The following L3MBTL4 variants were observed in gnomAD, a reference collection of about 807,000 sequenced individuals.
The protein encoded by L3MBTL4 is L3MBTL histone methyl-lysine binding protein 4, also known as lethal(3)malignant brain tumor-like protein 4.
A neutral mutation model predicts 84.5 loss-of-function variants in L3MBTL4; 70 were observed. The observed-to-expected ratio is 0.83, with a 90% CI of 0.68 to 1.01. L3MBTL4 has a LOEUF of 1.01. L3MBTL4 is among the 50% of genes least tolerant of loss of function. L3MBTL4 has a pLI of 0.00. For missense variants in L3MBTL4, 715 were observed against 754.8 expected, an observed-to-expected ratio of 0.95 and a Z score of 0.62; for synonymous variants, 274 against 259.8, an observed-to-expected ratio of 1.05 and a Z score of -0.52.
chr18:6,396,585 A>G (rs2144594300), intron 1 of L3MBTL4: 1 of 152,328 alleles, frequency 6.6e-6, no homozygotes, highest in Non-Finnish European at 1.5e-5. Flanking sequence ...TGTGGAAACC[A>G]CCCCTGTGAC....
At chr18:6,069,328 G>A (rs902001898) in intron 16 of L3MBTL4, among the ~76,000 whole-genome samples, 2 of 152,194 alleles carry the variant, frequency 1.3e-5, no homozygotes, top group African/African-American at 4.8e-5. Context: ...TTAATGGACT[G>A]TGTTGGATGG....
chr18:6,168,580 G>C (rs1015536961), intron 13 of L3MBTL4, among the ~76,000 whole-genome samples: 5 of 151,134 alleles, frequency 3.3e-5, no homozygotes, highest in African/African-American at 9.8e-5. Context: ...ATGGGGAAAG[G>C]ATTCCCTATT....
chr18:6,345,721 T>C (rs1304498139), intron 1 of L3MBTL4, among the ~76,000 whole-genome samples: 1 of 152,070 alleles, frequency 6.6e-6, no homozygotes, highest in African/African-American at 2.4e-5. Flanking sequence ...ATTGTAAAAA[T>C]TAATACTGTT....
chr18:6,288,039 T>C (rs1409232173), intron 4 of L3MBTL4, among the ~76,000 whole-genome samples: 3 of 152,190 alleles, frequency 2.0e-5, no homozygotes, highest in Non-Finnish European at 4.4e-5. Flanking sequence ...CGAGACTCTG[T>C]CTCAACAAAA....
intron 1 of L3MBTL4, among the ~76,000 whole-genome samples, chr18:6,370,015 T>G (rs778330363): frequency 6.6e-6 from 1 of 151,890 alleles, no homozygotes; most frequent in Non-Finnish European, 1.5e-5. Flanking sequence ...GTGCCTGTAG[T>G]CTCAGCTACT....
At chr18:6,034,558 T>C (rs1203676082) in intron 16 of L3MBTL4, among the ~76,000 whole-genome samples, 2 of 152,154 alleles carry the variant, frequency 1.3e-5, no homozygotes, top group Non-Finnish European at 2.9e-5. Context: ...TGTTGGACAT[T>C]TGGGTTGGTT....
chr18:6,287,727 T>C (rs1452539), intron 4 of L3MBTL4, among the ~76,000 whole-genome samples: 37,407 of 152,152 alleles, frequency 0.25, 5,650 homozygotes, highest in African/African-American at 0.43. Flanking sequence ...TGATATCATT[T>C]AGTCACATTT....
At chr18:6,211,224 TAAGAG>T (rs1459160578) in intron 12 of L3MBTL4, among the ~76,000 whole-genome samples, 3 of 152,150 alleles carry the variant, frequency 2.0e-5, no homozygotes, top group African/African-American at 7.2e-5. Flanking sequence ...TATTTGAAAA[TAAGAG>T]AAGAGTGCCT....
At chr18:6,147,525 A>C (rs1168935836) in intron 13 of L3MBTL4, among the ~76,000 whole-genome samples, 1 of 152,204 alleles carries the variant, frequency 6.6e-6, no homozygotes, top group Non-Finnish European at 1.5e-5. Context: ...TAAAAATGTC[A>C]ATTTTATACT....
chr18:6,046,194 C>A (rs768668707), intron 16 of L3MBTL4, among the ~76,000 whole-genome samples: 1 of 152,180 alleles, frequency 6.6e-6, no homozygotes, highest in South Asian at 2.1e-4. Flanking sequence ...TTCAAGTCAA[C>A]TAGAAGACTT....
intron 16 of L3MBTL4, among the ~76,000 whole-genome samples, chr18:6,034,233 G>A (rs2055989407): frequency 2.0e-5 from 3 of 151,872 alleles, no homozygotes; most frequent in African/African-American, 4.8e-5. Flanking sequence ...TGCCATGCTG[G>A]TGCGCTGCAC....
intron 14 of L3MBTL4, among the ~76,000 whole-genome samples, chr18:6,101,605 A>T (rs936393216): frequency 6.6e-6 from 1 of 152,164 alleles, no homozygotes; most frequent in African/African-American, 2.4e-5. Flanking sequence ...TCTAAGCCCA[A>T]TCCTTACCCT....
chr18:6,286,507 A>T (rs112982571), intron 4 of L3MBTL4, among the ~76,000 whole-genome samples: 4,081 of 151,578 alleles, frequency 0.027, 128 homozygotes, highest in African/African-American at 0.082. Context: ...AAAAAATAAT[A>T]AAAAAATAAA....
intron 13 of L3MBTL4, among the ~76,000 whole-genome samples, chr18:6,159,850 A>G (rs776555371): frequency 4.6e-5 from 7 of 152,230 alleles, no homozygotes; most frequent in Non-Finnish European, 7.3e-5. Context: ...GTCTCAAGCT[A>G]TATCTATCTT....
At chr18:6,121,689 T>A (rs1235001027) in intron 14 of L3MBTL4, among the ~76,000 whole-genome samples, 2 of 119,544 alleles carry the variant, frequency 1.7e-5, no homozygotes, top group Non-Finnish European at 3.5e-5. Context: ...TTTCCCCGTG[T>A]GTGTGTGTGT....
At position 6,178,098 on chromosome 18, in the gene L3MBTL4, GA is replaced by G. The variant is rs951485572; in HGVS notation, c.982-6157del. On this transcript the variant is annotated intron_variant, in intron 12 of 18. Coordinates refer to ENST00000317931, the MANE Select transcript of L3MBTL4 (RefSeq NM_001330559.2). ...AGAATTAGGTCTCAACTGAAGAAGTGAAAAAAAAAATCTTTTTCAATTTTTT... is the reference window on the plus strand; with the variant it reads ...AGAATTAGGTCTCAACTGAAGAAGTGAAAAAAAAATCTTTTTCAATTTTTT... Among the ~76,000 whole-genome samples the G allele has an allele frequency of 1.0e-4, 15 of 147,742 alleles. No individual in the cohort carries two copies. In the East Asian group the frequency reaches 1.2e-3, roughly 12 times the overall value.
At chr18:5,976,682 A>C (rs2052950038) in intron 16 of L3MBTL4, among the ~76,000 whole-genome samples, 7 of 152,166 alleles carry the variant, frequency 4.6e-5, no homozygotes, top group Admixed American at 2.0e-4. Context: ...ACTCTGAGCC[A>C]TGTGTTTGTC....
At chr18:6,281,256 C>T (rs1195013966) in intron 4 of L3MBTL4, among the ~76,000 whole-genome samples, 1 of 152,132 alleles carries the variant, frequency 6.6e-6, no homozygotes, top group Non-Finnish European at 1.5e-5. Context: ...GATTTGAACT[C>T]AGGTTCACTG....
chr18:6,046,732 A>T, intron 16 of L3MBTL4: 1 of 774,972 alleles, frequency 1.3e-6, no homozygotes, highest in East Asian at 2.4e-5. Context: ...ACTTACCCAA[A>T]CCTCTGGGAT....
Sources: gnomAD v4.1 joint callset for allele counts (sites outside exome capture counted in the v4.1 genomes callset) on GRCh38, gnomAD v4.1.1 for gene constraint, MANE v1.5 for transcripts, NCBI Gene and HGNC (gene_info 2026-07-23, HGNC 2026-07-21) for gene names.